TAS2R1: variants seen among roughly 807,000 people sequenced by gnomAD.
TAS2R1 encodes the protein taste 2 receptor member 1.
For missense variants in TAS2R1, 370 were observed against 353.4 expected (o/e 1.05, Z -0.38); for synonymous variants, 141 against 134.2 (o/e 1.05, Z -0.35).
the TAS2R1 span, among the ~76,000 whole-genome samples, chr5:9,882,428 C>G: frequency 6.6e-6 from 1 of 152,042 alleles, no homozygotes; most frequent in Admixed American, 6.6e-5. Flanking sequence ...TAATTCAAGA[C>G]CAGCTAGGCC....
the TAS2R1 span, among the ~76,000 whole-genome samples, chr5:9,847,234 C>T: frequency 3.3e-4 from 50 of 152,310 alleles, no homozygotes; most frequent in African/African-American, 1.2e-3. Flanking sequence ...CAGGTTTTGA[C>T]CATAAGAAAA....
chr5:9,629,118 G>T lies in TAS2R1; in HGVS notation c.*15C>A. 1.3e-6 allele frequency: 2 copies of T among 1,534,402 alleles called. No individual in the cohort carries two copies. The highest frequency in any genetic ancestry group is 1.7e-6 in the Non-Finnish European group (2 of 1,144,410). On this transcript the variant is annotated 3_prime_UTR_variant, in exon 1 of 1. Coordinates refer to ENST00000382492, the MANE Select transcript of TAS2R1 (RefSeq NM_019599.3). Reference sequence around the variant, plus strand: ...CATTGAATCATGGGTTCTTTGAACTGATCCAACTTCTCTCTCACTGACAGC... The same window carrying T: ...CATTGAATCATGGGTTCTTTGAACTTATCCAACTTCTCTCTCACTGACAGC...
chr5:9,800,464 G>A, the TAS2R1 span, among the ~76,000 whole-genome samples: 1 of 152,172 alleles, frequency 6.6e-6, no homozygotes, highest in Non-Finnish European at 1.5e-5. Context: ...GGGAGGTGGT[G>A]AAATACACTT....
At chr5:9,895,596 T>G in the TAS2R1 span, among the ~76,000 whole-genome samples, 1 of 152,356 alleles carries the variant, frequency 6.6e-6, no homozygotes, top group Non-Finnish European at 1.5e-5. Context: ...CTTATCCTTT[T>G]CTGCCTAAAC....
chr5:9,824,315 G>T, the TAS2R1 span, among the ~76,000 whole-genome samples: 3 of 152,144 alleles, frequency 2.0e-5, no homozygotes, highest in Admixed American at 2.0e-4. Context: ...TAGTATTTAG[G>T]GTTGTTAGGT....
At chr5:9,740,507 C>A in the TAS2R1 span, among the ~76,000 whole-genome samples, 2 of 152,162 alleles carry the variant, frequency 1.3e-5, no homozygotes, top group African/African-American at 4.8e-5. Flanking sequence ...TCAAAGCCAA[C>A]GAGTTAACAA....
At chr5:9,839,590 G>A in the TAS2R1 span, among the ~76,000 whole-genome samples, 2 of 152,170 alleles carry the variant, frequency 1.3e-5, no homozygotes, top group East Asian at 3.8e-4. Flanking sequence ...TTGTGCTTGA[G>A]GAATCCAATA....
Position 9,630,177 on chromosome 5 carries a change from C to T in TAS2R1, c.-145G>A, listed in dbSNP as rs1239165448. The T allele has an allele frequency of 9.7e-6, 6 of 618,664 alleles. No homozygotes were observed. The Admixed American group carries it at 1.0e-4, about 11-fold the overall frequency. 38.3% of individuals were successfully genotyped at this position (618,664 alleles called of 1,614,324 possible). A position where few individuals can be genotyped will look rare whatever the true frequency, so the allele number is the denominator to read the frequency against. The stretch of plus-strand genomic sequence containing the variant: ...AGGCATGGGGCAGGAAGGTGGTGTA[C>T]ATTTGTTTATGTCACTGCTTTCTCT... On this transcript the variant is annotated 5_prime_UTR_variant, in exon 1 of 1. It removes an upstream start codon present in the reference 5' UTR. Coordinates refer to ENST00000382492, the MANE Select transcript of TAS2R1 (RefSeq NM_019599.3).
chr5:9,796,720 GGAAAAA>G, the TAS2R1 span, among the ~76,000 whole-genome samples: 69 of 77,324 alleles, frequency 8.9e-4, no homozygotes, highest in African/African-American at 3.6e-3. Context: ...GCTATTTTCT[GGAAAAA>G]AAAAAAAAAA....
At chr5:9,899,898 C>T in the TAS2R1 span, among the ~76,000 whole-genome samples, 2,061 of 152,192 alleles carry the variant, frequency 0.014, 48 homozygotes, top group African/African-American at 0.047. Context: ...GCCTGTGGTC[C>T]GGTCCCCAAA....
the TAS2R1 span, among the ~76,000 whole-genome samples, chr5:9,752,047 G>A: frequency 1.5e-4 from 23 of 152,152 alleles, no homozygotes; most frequent in Non-Finnish European, 2.8e-4. Flanking sequence ...ATGGTTTCCC[G>A]TGGAAACAAA....
upstream of TAS2R1, among the ~76,000 whole-genome samples, chr5:9,633,266 A>AGT (rs141170591): frequency 0.013 from 1,541 of 121,864 alleles, 70 homozygotes; most frequent in East Asian, 0.089. Flanking sequence ...AGTATTCCAT[A>AGT]GTGTGTGTGT....
the TAS2R1 span, among the ~76,000 whole-genome samples, chr5:9,841,961 C>T: frequency 2.0e-5 from 3 of 152,190 alleles, no homozygotes; most frequent in South Asian, 2.1e-4. Flanking sequence ...ATCATGTGCT[C>T]GCTGAGCCAT....
chr5:9,789,877 T>G, the TAS2R1 span, among the ~76,000 whole-genome samples: 1 of 152,252 alleles, frequency 6.6e-6, no homozygotes, highest in Admixed American at 6.5e-5. Flanking sequence ...TTGGCTGTGG[T>G]TCTGCTTCGT....
chr5:9,834,838 C>A, the TAS2R1 span, among the ~76,000 whole-genome samples: 5 of 151,936 alleles, frequency 3.3e-5, no homozygotes, highest in African/African-American at 1.2e-4. Flanking sequence ...AGCACTTCTC[C>A]CCATCGATAG....
chr5:9,629,490 A>G lies in TAS2R1; in HGVS notation c.543T>C (p.Ala181=). 1.2e-6 allele frequency: 2 copies of G among 1,614,236 alleles called. No individual in the cohort carries two copies. The highest frequency in any genetic ancestry group is 1.7e-6 in the Non-Finnish European group (2 of 1,180,050). The part of the protein sequence containing the change: ...TLAIQIFSFV[A]EFSVPLLIFL... Reference sequence around the variant, plus strand: ...AGATAAGCAATGGCACTGAGAACTCAGCAACAAAAGAGAAAATCTGTATAG... The same window carrying G: ...AGATAAGCAATGGCACTGAGAACTCGGCAACAAAAGAGAAAATCTGTATAG... Residue 181 remains alanine, a synonymous_variant, in exon 1 of 1, where the codon GCT becomes GCC. Coordinates refer to ENST00000382492, the MANE Select transcript of TAS2R1 (RefSeq NM_019599.3).
At chr5:9,682,973 C>CA (rs1741022996) in intron 1 of TAS2R1, among the ~76,000 whole-genome samples, 1 of 152,130 alleles carries the variant, frequency 6.6e-6, no homozygotes, top group African/African-American at 2.4e-5. Flanking sequence ...CAACTCTAAG[C>CA]AACCAACAGT....
rs762513725 is a variant in TAS2R1, at chr5:9,629,512, A to G, written c.521T>C (p.Ile174Thr). The change falls in exon 1 of 1, where the codon ATA (isoleucine) becomes ACA (threonine). Residue 174 changes from isoleucine to threonine, a missense_variant. Physicochemically the swap from Ile to Thr is moderately conservative, Grantham distance 89 (BLOSUM62 -1). Transcript: ENST00000382492. ...ATIQKEDTLA[I>T]QIFSFVAEFS... ...CTCAGCAACAAAAGAGAAAATCTGT[A>G]TAGCCAGTGTATCTTCTTTTTGAAT... The G allele has an allele frequency of 1.2e-6, 2 of 1,614,226 alleles. No homozygotes were observed. The highest frequency in any genetic ancestry group is 8.5e-7 in the Non-Finnish European group (1 of 1,180,040).
At chr5:9,664,004 G>A (rs1003330454) in intron 1 of TAS2R1, among the ~76,000 whole-genome samples, 3 of 152,078 alleles carry the variant, frequency 2.0e-5, no homozygotes, top group African/African-American at 4.8e-5. Context: ...CAACACTATC[G>A]ACACCTTGAT....
Sources: gnomAD v4.1 joint callset for allele counts (sites outside exome capture counted in the v4.1 genomes callset) on GRCh38, gnomAD v4.1.1 for gene constraint, MANE v1.5 for transcripts, NCBI Gene and HGNC (gene_info 2026-07-23, HGNC 2026-07-21) for gene names.